Variants in CRPPA observed in about 807,000 individuals in gnomAD.
The protein encoded by CRPPA is D-ribitol-5-phosphate cytidylyltransferase.
CRPPA carries 43 observed loss-of-function variants against 52.0 expected under a neutral mutation model. The ratio of observed to expected loss-of-function variants is 0.83; its 90% confidence interval spans 0.65 to 1.07. The LOEUF is 1.07. Ranked by LOEUF, CRPPA falls within the 50% of genes least tolerant of loss-of-function variation. The pLI is 0.00. For synonymous variants in CRPPA, 250 were observed against 203.5 expected, an observed-to-expected ratio of 1.23 and a Z score of -1.94; for missense variants, 629 against 551.7, an observed-to-expected ratio of 1.14 and a Z score of -1.40.
intron 8 of CRPPA, among the ~76,000 whole-genome samples, chr7:16,253,956 A>G (rs1783536273): frequency 6.6e-6 from 1 of 152,244 alleles, no homozygotes; most frequent in Non-Finnish European, 1.5e-5. Context: ...TCAAAAGAAG[A>G]TATTTATGCA....
At chr7:16,305,571 C>A (rs568490834) in intron 4 of CRPPA, among the ~76,000 whole-genome samples, 1 of 151,992 alleles carries the variant, frequency 6.6e-6, no homozygotes, top group Admixed American at 6.5e-5. Context: ...CTTCAAACAA[C>A]AGAAATTTGG....
chr7:16,155,607 G>C (rs1156616943), intron 9 of CRPPA, among the ~76,000 whole-genome samples: 2 of 152,076 alleles, frequency 1.3e-5, no homozygotes, highest in East Asian at 3.9e-4. Context: ...TCTCTTCCTT[G>C]TGATTTTCTT....
chr7:16,355,001 T>G (rs1294808829), intron 3 of CRPPA, among the ~76,000 whole-genome samples: 1 of 152,150 alleles, frequency 6.6e-6, no homozygotes, highest in African/African-American at 2.4e-5. Flanking sequence ...AAGAAAATAT[T>G]CTTTAACCTT....
intron 9 of CRPPA, among the ~76,000 whole-genome samples, chr7:16,172,412 G>T (rs941686710): frequency 6.6e-6 from 1 of 152,102 alleles, no homozygotes; most frequent in Non-Finnish European, 1.5e-5. Context: ...GGGCCCGTGT[G>T]TCCTGCAATA....
At chr7:16,147,963 A>G (rs952003138) in intron 9 of CRPPA, among the ~76,000 whole-genome samples, 16 of 152,244 alleles carry the variant, frequency 1.1e-4, no homozygotes, top group Admixed American at 7.2e-4. Flanking sequence ...GCCTTAACAA[A>G]TTTGATGTTG....
chr7:16,256,755 G>A (rs568426461), intron 8 of CRPPA, among the ~76,000 whole-genome samples: 3 of 152,150 alleles, frequency 2.0e-5, no homozygotes, highest in South Asian at 2.1e-4. Flanking sequence ...ACACACTGGG[G>A]CTTGTTGGGG....
chr7:16,153,863 A>G lies in CRPPA; in HGVS notation c.1252-62064T>C, dbSNP rs540258030. Among the ~76,000 whole-genome samples, 10 of 152,186 alleles carry G rather than the reference A, an allele frequency of 6.6e-5. 1 individual carries two copies. In the South Asian group the frequency reaches 2.1e-3, roughly 32 times the overall value. The stretch of plus-strand genomic sequence containing the variant: ...CTTCCCTTGAGATAAACTTTAGGAA[A>G]GGCAGAATCAAGTGTTGTATTTTAA... On this transcript the variant is annotated intron_variant, in intron 9 of 9. Transcript: ENST00000407010.
chr7:16,215,994 T>C (rs1782294320), intron 9 of CRPPA, 72 bp downstream of exon 9: 1 of 1,199,570 alleles, frequency 8.3e-7, no homozygotes, highest in Non-Finnish European at 1.2e-6. Flanking sequence ...CCTCCTGCTT[T>C]TAACAAATCA....
chr7:16,411,004 C>A (rs1462789762), intron 1 of CRPPA, among the ~76,000 whole-genome samples: 1 of 152,210 alleles, frequency 6.6e-6, no homozygotes, highest in Non-Finnish European at 1.5e-5. Flanking sequence ...ATAACTTTAT[C>A]TTCCTCACTA....
intron 9 of CRPPA, among the ~76,000 whole-genome samples, chr7:16,145,226 T>G (rs112490128): frequency 6.6e-6 from 1 of 152,312 alleles, no homozygotes; most frequent in Non-Finnish European, 1.5e-5. Flanking sequence ...TGAAGGAAGC[T>G]ACACTAATCT....
At chr7:16,280,150 T>G (rs1405034031) in intron 5 of CRPPA, among the ~76,000 whole-genome samples, 3 of 152,198 alleles carry the variant, frequency 2.0e-5, no homozygotes, top group Admixed American at 1.3e-4. Context: ...CACATGAGAA[T>G]TCAAGATGAG....
At chr7:16,180,611 C>T (rs138447018) in intron 9 of CRPPA, among the ~76,000 whole-genome samples, 6 of 151,952 alleles carry the variant, frequency 3.9e-5, no homozygotes, top group African/African-American at 1.4e-4. Context: ...GGAATATATT[C>T]ATCTAACAAT....
At chr7:16,397,915 A>C (rs996749523) in intron 2 of CRPPA, among the ~76,000 whole-genome samples, 1 of 152,214 alleles carries the variant, frequency 6.6e-6, no homozygotes, top group African/African-American at 2.4e-5. Flanking sequence ...TGACGTGACC[A>C]ACACAACTGG....
chr7:16,233,195 T>C (rs1405331339), intron 8 of CRPPA, among the ~76,000 whole-genome samples: 2 of 151,950 alleles, frequency 1.3e-5, no homozygotes, highest in Non-Finnish European at 2.9e-5. Context: ...CAGTGAGATA[T>C]GGATCATATT....
intron 3 of CRPPA, among the ~76,000 whole-genome samples, chr7:16,336,804 C>T (rs897754657): frequency 1.8e-4 from 28 of 151,830 alleles, no homozygotes; most frequent in African/African-American, 6.3e-4. Flanking sequence ...AGACATTCCA[C>T]ATGAATAAAA....
At chr7:16,392,649 A>C (rs1017127418) in intron 2 of CRPPA, among the ~76,000 whole-genome samples, 1 of 152,176 alleles carries the variant, frequency 6.6e-6, no homozygotes, top group South Asian at 2.1e-4. Flanking sequence ...CATCTCAGTT[A>C]CTTGATGAAT....
chr7:16,277,584 G>A (rs1054330527), intron 6 of CRPPA, among the ~76,000 whole-genome samples: 2 of 152,266 alleles, frequency 1.3e-5, no homozygotes, highest in East Asian at 3.9e-4. Flanking sequence ...ATTAATGGCA[G>A]TGCTTGGTGG....
At chr7:16,355,308 G>T (rs1230757265) in intron 3 of CRPPA, among the ~76,000 whole-genome samples, 1 of 152,108 alleles carries the variant, frequency 6.6e-6, no homozygotes, top group Non-Finnish European at 1.5e-5. Context: ...CATAAATCAA[G>T]AATATCTCTT....
chr7:16,305,372 C>T (rs1466435463), intron 4 of CRPPA, among the ~76,000 whole-genome samples: 7 of 152,284 alleles, frequency 4.6e-5, no homozygotes, highest in South Asian at 4.1e-4. Context: ...ATCCAGAGCA[C>T]GACAGGACTT....
Sources: gnomAD v4.1 joint callset for allele counts (sites outside exome capture counted in the v4.1 genomes callset) on GRCh38, gnomAD v4.1.1 for gene constraint, MANE v1.5 for transcripts, NCBI Gene and HGNC (gene_info 2026-07-23, HGNC 2026-07-21) for gene names.